The following JAZF1 variants were observed in gnomAD, a reference collection of about 807,000 sequenced individuals.
JAZF1 encodes the protein JAZF zinc finger 1.
Under a neutral mutation model 26.4 loss-of-function variants are expected in JAZF1, and 8 were observed. The observed-to-expected ratio is 0.30, with a 90% confidence interval of 0.18 to 0.55. JAZF1 has a LOEUF of 0.55. Among genes scored for constraint, JAZF1 ranks in the 20% least tolerant of loss-of-function variants. The pLI, the probability that JAZF1 is intolerant of heterozygous loss-of-function variation, is 0.94. For synonymous variants in JAZF1, 126 were observed against 122.3 expected (o/e 1.03, Z -0.20); for missense variants, 199 against 322.0 (o/e 0.62, Z 2.92).
intron 1 of JAZF1, among the ~76,000 whole-genome samples, chr7:28,163,952 C>T (rs68183954): frequency 0.11 from 16,190 of 152,292 alleles, 1,399 homozygotes; most frequent in East Asian, 0.47. Flanking sequence ...ATAATTCTGG[C>T]CTTGGCCATA....
At chr7:27,971,797 C>T (rs188300926) in intron 2 of JAZF1, among the ~76,000 whole-genome samples, 1 of 152,290 alleles carries the variant, frequency 6.6e-6, no homozygotes, top group Admixed American at 6.5e-5. Flanking sequence ...CCAAGGTCAT[C>T]TCTTGTGTTT....
At chr7:28,162,377 C>T (rs1156821870) in intron 1 of JAZF1, among the ~76,000 whole-genome samples, 1 of 152,216 alleles carries the variant, frequency 6.6e-6, no homozygotes, top group Non-Finnish European at 1.5e-5. Flanking sequence ...TCTACAGGAA[C>T]ACAAAGTTTC....
At chr7:28,073,884 G>A (rs563053286) in intron 1 of JAZF1, among the ~76,000 whole-genome samples, 5 of 150,284 alleles carry the variant, frequency 3.3e-5, no homozygotes, top group Non-Finnish European at 5.9e-5. Context: ...TAAAATAATC[G>A]TAATTAGAAA....
At chr7:27,949,724 T>C (rs757137) in intron 2 of JAZF1, among the ~76,000 whole-genome samples, 58,393 of 152,146 alleles carry the variant, frequency 0.38, 13,017 homozygotes, top group East Asian at 0.89. Context: ...AATTGTGCCA[T>C]TGCACTCTAC....
chr7:28,009,763 G>A (rs1386432909), intron 1 of JAZF1, among the ~76,000 whole-genome samples: 3 of 152,284 alleles, frequency 2.0e-5, no homozygotes, highest in Non-Finnish European at 2.9e-5. Context: ...GATCACAGGC[G>A]TGAGCCACCA....
chr7:28,071,808 T>C, intron 1 of JAZF1: 1 of 356,088 alleles, frequency 2.8e-6, no homozygotes, highest in Non-Finnish European at 5.7e-6. Context: ...ATTTGCATTA[T>C]TACTGCTCGG....
At chr7:28,172,832 C>T (rs1783492461) in intron 1 of JAZF1, among the ~76,000 whole-genome samples, 1 of 152,186 alleles carries the variant, frequency 6.6e-6, no homozygotes, top group Non-Finnish European at 1.5e-5. Context: ...GATAACTTGA[C>T]ACAGAGATGA....
At chr7:28,166,819 C>T (rs945058232) in intron 1 of JAZF1, among the ~76,000 whole-genome samples, 1 of 152,182 alleles carries the variant, frequency 6.6e-6, no homozygotes, top group Non-Finnish European at 1.5e-5. Context: ...CCTACGACCA[C>T]TCAGTATGAC....
chr7:27,851,760 C>G (rs911489177), intron 3 of JAZF1, among the ~76,000 whole-genome samples: 2 of 152,130 alleles, frequency 1.3e-5, no homozygotes, highest in African/African-American at 4.8e-5. Context: ...TAAATTTAGC[C>G]TATTACACAG....
intron 1 of JAZF1, among the ~76,000 whole-genome samples, chr7:28,099,554 G>A (rs1267627684): frequency 2.6e-5 from 4 of 151,994 alleles, no homozygotes; most frequent in African/African-American, 4.8e-5. Context: ...TCGACTCACC[G>A]CAACCTCCAC....
intron 1 of JAZF1, among the ~76,000 whole-genome samples, chr7:28,077,258 T>A (rs540352464): frequency 3.3e-5 from 5 of 152,158 alleles, no homozygotes; most frequent in Non-Finnish European, 7.3e-5. Context: ...ACATAGAAAT[T>A]TTTTTCAGCT....
rs141692863 is a variant in JAZF1, at chr7:27,992,988, G to A, written c.116-1007C>T. 3.3e-4 allele frequency among the ~76,000 whole-genome samples: 50 copies of A among 152,284 alleles called. No homozygotes were observed. In the East Asian group the frequency reaches 6.4e-3, roughly 19 times the overall value. Reference sequence around the variant, plus strand: ...CACTAACTCCAAAGTGCATTAACAGGTGATGGGGGGAGGGAAGCAGATACA... The same window carrying A: ...CACTAACTCCAAAGTGCATTAACAGATGATGGGGGGAGGGAAGCAGATACA... On this transcript the variant is annotated intron_variant, in intron 1 of 4. Transcript: ENST00000283928.
intron 1 of JAZF1, among the ~76,000 whole-genome samples, chr7:28,096,284 T>C (rs1208955936): frequency 3.9e-5 from 6 of 152,190 alleles, no homozygotes; most frequent in Non-Finnish European, 7.3e-5. Flanking sequence ...GAAAAAACTA[T>C]GAGTAAAAGG....
intron 1 of JAZF1, among the ~76,000 whole-genome samples, chr7:28,168,335 C>T (rs1783400170): frequency 2.8e-5 from 4 of 140,702 alleles, no homozygotes; most frequent in South Asian, 2.2e-4. Context: ...TGAGCTGCGA[C>T]GCGCCATTGC....
intron 1 of JAZF1, among the ~76,000 whole-genome samples, chr7:28,041,418 T>G (rs1478348213): frequency 2.0e-5 from 3 of 152,144 alleles, no homozygotes; most frequent in Admixed American, 1.3e-4. Flanking sequence ...AAAGGTGACA[T>G]TTTTTAAAAG....
intron 2 of JAZF1, among the ~76,000 whole-genome samples, chr7:27,934,908 G>A (rs1784743836): frequency 1.3e-5 from 2 of 152,170 alleles, no homozygotes; most frequent in Non-Finnish European, 2.9e-5. Context: ...TCAAGTAAGT[G>A]AAGACAACCC....
At chr7:27,873,694 G>A (rs1783623528) in intron 3 of JAZF1, among the ~76,000 whole-genome samples, 1 of 152,148 alleles carries the variant, frequency 6.6e-6, no homozygotes, top group Non-Finnish European at 1.5e-5. Flanking sequence ...AGTCTCCTAG[G>A]AGCTTTATTT....
chr7:28,002,140 A>T (rs1447031309), intron 1 of JAZF1, among the ~76,000 whole-genome samples: 1 of 152,188 alleles, frequency 6.6e-6, no homozygotes, highest in Admixed American at 6.5e-5. Flanking sequence ...AAACAAAACA[A>T]TCATATTCCA....
intron 1 of JAZF1, among the ~76,000 whole-genome samples, chr7:28,022,985 G>A (rs1440406124): frequency 6.6e-6 from 1 of 152,234 alleles, no homozygotes; most frequent in Non-Finnish European, 1.5e-5. Flanking sequence ...AAAGAGATGT[G>A]AGGTGAAGTC....
Sources: gnomAD v4.1 joint callset for allele counts (sites outside exome capture counted in the v4.1 genomes callset) on GRCh38, gnomAD v4.1.1 for gene constraint, MANE v1.5 for transcripts, NCBI Gene and HGNC (gene_info 2026-07-23, HGNC 2026-07-21) for gene names.